The following P2RX5 variants were observed in gnomAD, a reference collection of about 807,000 sequenced individuals.
The protein encoded by P2RX5 is purinergic receptor P2X 5.
Under a neutral mutation model 54.1 loss-of-function variants are expected in P2RX5, and 46 were observed. That is an observed-to-expected ratio of 0.85 (90% CI 0.67 to 1.09). The LOEUF (loss-of-function observed/expected upper bound fraction) is 1.09. Ranked by LOEUF, P2RX5 falls within the 50% of genes least tolerant of loss-of-function variation. The pLI, the probability that P2RX5 is intolerant of heterozygous loss-of-function variation, is 0.00. For synonymous variants in P2RX5, 226 were observed against 226.4 expected (o/e 1.00, Z 0.02); for missense variants, 566 against 549.8 (o/e 1.03, Z -0.29).
intron 7 of P2RX5, 29 bp from the exon 8 acceptor site, chr17:3,688,788 C>A: frequency 6.2e-7 from 1 of 1,613,354 alleles, no homozygotes; most frequent in Non-Finnish European, 8.5e-7. Context: ...AGGGTCAGCA[C>A]ACACAGCTTT....
chr17:3,684,143 C>T (rs905702405), intron 9 of P2RX5, among the ~76,000 whole-genome samples: 4 of 152,262 alleles, frequency 2.6e-5, no homozygotes, highest in African/African-American at 9.6e-5. Flanking sequence ...TGAGCCGCTC[C>T]CGGCCCCACT....
rs967938523 is a variant in P2RX5, at chr17:3,696,105, C to T, written c.-100G>A. 3.6e-5 allele frequency: 47 copies of T among 1,294,178 alleles called. No individual in the cohort carries two copies. Among genetic ancestry groups the T allele is most frequent in the Non-Finnish European group, 4.4e-5 (43 of 983,764 alleles). The allele number at this position is 1,294,178 out of a possible 1,614,324, so 80.2% of individuals were successfully genotyped here. A position where few individuals can be genotyped will look rare whatever the true frequency, so the allele number is the denominator to read the frequency against. On this transcript the variant is annotated 5_prime_UTR_variant, in exon 1 of 12. Transcript: ENST00000225328. ...TGCGCGCCCGGCGCCCGCCTCGGCC[C>T]GTCTGCGCCCGCTCAGCTGCAGCCC...
chr17:3,680,189 G>A (rs375135753), intron 10 of P2RX5, among the ~76,000 whole-genome samples: 2,008 of 44,860 alleles, frequency 0.045, 19 homozygotes, highest in African/African-American at 0.066. Flanking sequence ...TCCACCCTGC[G>A]TCCTCCACCC....
At chr17:3,711,306 G>A in the P2RX5 span, among the ~76,000 whole-genome samples, 3 of 146,646 alleles carry the variant, frequency 2.0e-5, no homozygotes, top group East Asian at 2.0e-4. Flanking sequence ...AATTGGCCAC[G>A]TTATTTAGAC....
rs1404165920 is a variant in P2RX5 at position 3,673,776 on chromosome 17, T to C, written c.*92A>G. The C allele has an allele frequency of 1.2e-6, 2 of 1,611,552 alleles. No homozygotes were observed. The highest frequency in any genetic ancestry group is 1.7e-5 in the Admixed American group (1 of 59,962). On this transcript the variant is annotated 3_prime_UTR_variant, in exon 12 of 12. Transcript: ENST00000225328. ...TAGCACCCAATGTACAAATTTCCCG[T>C]TGGGCAGCATCCTGGGATTCCCAAA...
chr17:3,704,475 A>T, the P2RX5 span, among the ~76,000 whole-genome samples: 1 of 152,170 alleles, frequency 6.6e-6, no homozygotes, highest in African/African-American at 2.4e-5. Flanking sequence ...GACATTACTG[A>T]TCCACTTAAA....
intron 11 of P2RX5, chr17:3,677,296 A>C: frequency 6.1e-6 from 6 of 985,350 alleles, no homozygotes; most frequent in Non-Finnish European, 7.2e-6. Context: ...CGGCAGGGTC[A>C]AGGCGACTGT....
chr17:3,723,406 A>C, the P2RX5 span: 1 of 1,520,818 alleles, frequency 6.6e-7, no homozygotes, highest in South Asian at 1.1e-5. Flanking sequence ...GGTCTAGTGA[A>C]CACAATTCCT....
At position 3,675,802 on chromosome 17, in the gene P2RX5, C is replaced by T. The variant is rs181778179; in HGVS notation, c.1260-1925G>A. ...TCCTGACCTCGTGATCCACCCGCCT[C>T]GGCCTCCCAAAGTGCTGGGATTACA... On this transcript the variant is annotated intron_variant, in intron 11 of 11. Transcript: ENST00000225328. The T allele has an allele frequency of 9.2e-3, 8,570 of 928,614 alleles. 55 individuals are homozygous for T. Among genetic ancestry groups the T allele is most frequent in the Non-Finnish European group, 0.01 (7,961 of 778,262 alleles). 57.5% of individuals were successfully genotyped at this position (928,614 alleles called of 1,614,324 possible). A position where few individuals can be genotyped will look rare whatever the true frequency, so the allele number is the denominator to read the frequency against.
At chr17:3,686,007 G>A (rs150804) in intron 9 of P2RX5, among the ~76,000 whole-genome samples, 70 of 354 alleles carry the variant, frequency 0.2, 17 homozygotes, top group East Asian at 0.43. Context: ...ACAGGAGAAC[G>A]CACAGCGGGG....
At chr17:3,704,325 G>A in the P2RX5 span, among the ~76,000 whole-genome samples, 652 of 152,294 alleles carry the variant, frequency 4.3e-3, 1 homozygote, top group Middle Eastern at 0.017. Flanking sequence ...CCTTCCTGCC[G>A]AGTCCTGAGG....
At chr17:3,715,822 CACT>C in the P2RX5 span, among the ~76,000 whole-genome samples, 6 of 151,980 alleles carry the variant, frequency 3.9e-5, no homozygotes, top group Non-Finnish European at 8.8e-5. Flanking sequence ...TTAACTGTGC[CACT>C]GAGCTCCAGC....
At chr17:3,714,291 G>A in the P2RX5 span, among the ~76,000 whole-genome samples, 9 of 150,810 alleles carry the variant, frequency 6.0e-5, no homozygotes, top group Admixed American at 4.7e-4. Flanking sequence ...GCAGTGGCAC[G>A]ATCTCGGCTC....
chr17:3,710,239 C>A, the P2RX5 span, among the ~76,000 whole-genome samples: 1 of 151,634 alleles, frequency 6.6e-6, no homozygotes, highest in Non-Finnish European at 1.5e-5. Context: ...CCAGCCTGGT[C>A]AACATGGTGA....
intron 1 of P2RX5, 100 bp downstream of exon 1, chr17:3,695,769 G>C (rs1597277751): frequency 6.8e-7 from 1 of 1,464,178 alleles, no homozygotes; most frequent in South Asian, 1.1e-5. Context: ...CGGGAAAACC[G>C]CGTGCACGCC....
intron 11 of P2RX5, chr17:3,675,651 A>G (rs1469822176): frequency 3.7e-5 from 30 of 803,536 alleles, no homozygotes; most frequent in Non-Finnish European, 4.1e-5. Context: ...TCCCAGGTTC[A>G]AGCGATTCTC....
rs374409298 is a variant in P2RX5 at position 3,690,632 on chromosome 17, C to A, written c.409G>T (p.Ala137Ser). ...TTTCCAGCTGTAACCGCTTCCCCAG[C>A]GTGGCAGTCGCTGTCCTTGGAGCAC... ...GACSKDSDCH[A>S]GEAVTAGNGV... is the part of the protein sequence containing the mutation. The change falls in exon 4 of 12, where the codon GCT becomes TCT. Residue 137 changes from alanine (A) to serine (S), a missense_variant. Physicochemically the swap from Ala to Ser is moderately conservative, Grantham distance 99. Transcript: ENST00000225328. The A allele has an allele frequency of 4.3e-6, 7 of 1,613,414 alleles. No homozygotes were observed. The highest frequency in any genetic ancestry group is 5.1e-6 in the Non-Finnish European group (6 of 1,180,040).
the P2RX5 span, among the ~76,000 whole-genome samples, chr17:3,719,253 A>AT: frequency 9.1e-6 from 1 of 109,550 alleles, no homozygotes; most frequent in Non-Finnish European, 1.9e-5. Context: ...AAAAAAAAAA[A>AT]AAAGAAAAGA....
intron 1 of P2RX5, among the ~76,000 whole-genome samples, chr17:3,693,800 T>C (rs936606126): frequency 5.3e-5 from 8 of 151,952 alleles, no homozygotes; most frequent in Non-Finnish European, 5.9e-5. Flanking sequence ...AAAAAACTTG[T>C]ACATGAATGT....
Sources: gnomAD v4.1 joint callset for allele counts (sites outside exome capture counted in the v4.1 genomes callset) on GRCh38, gnomAD v4.1.1 for gene constraint, MANE v1.5 for transcripts, NCBI Gene and HGNC (gene_info 2026-07-23, HGNC 2026-07-21) for gene names.